RGS6: variants seen among roughly 807,000 people sequenced by gnomAD.
RGS6 encodes the protein regulator of G-protein signaling 6.
A neutral mutation model predicts 78.5 loss-of-function variants in RGS6; 30 were observed. That is an observed-to-expected ratio of 0.38 (90% CI 0.29 to 0.52). The LOEUF is 0.52. RGS6 is among the 20% of genes least tolerant of loss of function. The probability of loss-of-function intolerance (pLI) is 0.85; values close to 1 mark genes in which losing one functional copy is unlikely to be tolerated. For synonymous variants in RGS6, 206 were observed against 206.0 expected, an observed-to-expected ratio of 1.00 and a Z score of 0.00; for missense variants, 495 against 609.7, an observed-to-expected ratio of 0.81 and a Z score of 1.98.
chr14:72,228,437 CAA>C (rs1301890573), intron 2 of RGS6, among the ~76,000 whole-genome samples: 4 of 152,076 alleles, frequency 2.6e-5, no homozygotes, highest in African/African-American at 9.7e-5. Context: ...ACCATGTTAA[CAA>C]ATACGTTCAT....
chr14:72,364,910 TCAC>T (rs1334012837), intron 3 of RGS6, among the ~76,000 whole-genome samples: 3 of 152,198 alleles, frequency 2.0e-5, no homozygotes, highest in Non-Finnish European at 4.4e-5. Flanking sequence ...AAGCTGCTTG[TCAC>T]CACTTTCTCA....
At chr14:71,933,688 C>T (rs1213414386) in intron 1 of RGS6, among the ~76,000 whole-genome samples, 1 of 152,156 alleles carries the variant, frequency 6.6e-6, no homozygotes. Flanking sequence ...GTCATTGAGA[C>T]CAGTAGCATT....
At chr14:72,284,185 G>C (rs2062069075) in intron 2 of RGS6, among the ~76,000 whole-genome samples, 1 of 152,356 alleles carries the variant, frequency 6.6e-6, no homozygotes, top group Admixed American at 6.5e-5. Context: ...TTTGCAGCCT[G>C]ATGACGCAGT....
At chr14:71,950,704 CTTAAA>C (rs2092214778) in intron 1 of RGS6, among the ~76,000 whole-genome samples, 1 of 152,084 alleles carries the variant, frequency 6.6e-6, no homozygotes, top group South Asian at 2.1e-4. Flanking sequence ...CTACAAGGAA[CTTAAA>C]TTTATGAGCA....
intron 3 of RGS6, among the ~76,000 whole-genome samples, chr14:72,425,510 A>G (rs2094397754): frequency 6.6e-6 from 1 of 152,226 alleles, no homozygotes; most frequent in Admixed American, 6.5e-5. Flanking sequence ...AATTCCTGTT[A>G]ATCAGTATAC....
chr14:71,875,998 T>C, the RGS6 span, among the ~76,000 whole-genome samples: 10 of 152,252 alleles, frequency 6.6e-5, no homozygotes, highest in African/African-American at 2.4e-4. Flanking sequence ...GATTGCACTG[T>C]GGTCTGAGAG....
At chr14:72,560,107 A>T (rs1599183587) in intron 17 of RGS6, among the ~76,000 whole-genome samples, 1 of 150,314 alleles carries the variant, frequency 6.7e-6, no homozygotes, top group South Asian at 2.1e-4. Flanking sequence ...AGCTTGAGTG[A>T]TTTTTTTTTT....
chr14:72,415,396 G>A (rs1353526258), intron 3 of RGS6, among the ~76,000 whole-genome samples: 1 of 152,264 alleles, frequency 6.6e-6, no homozygotes, highest in Admixed American at 6.5e-5. Flanking sequence ...GAAAAGGGCA[G>A]TATTAGGGTG....
At chr14:71,907,209 A>C in the RGS6 span, among the ~76,000 whole-genome samples, 1 of 152,232 alleles carries the variant, frequency 6.6e-6, no homozygotes, top group Non-Finnish European at 1.5e-5. Context: ...TCATTAAATA[A>C]ATCTGCAATT....
intron 2 of RGS6, among the ~76,000 whole-genome samples, chr14:72,265,372 C>T (rs1200938470): frequency 6.6e-6 from 1 of 152,176 alleles, no homozygotes; most frequent in Non-Finnish European, 1.5e-5. Flanking sequence ...ATCCTGCCAC[C>T]TGGCTCAGAC....
chr14:72,346,952 T>A (rs570807377), intron 2 of RGS6, among the ~76,000 whole-genome samples: 1 of 152,332 alleles, frequency 6.6e-6, no homozygotes, highest in Non-Finnish European at 1.5e-5. Flanking sequence ...TCCTGCTGTT[T>A]GGAAGAATGT....
intron 3 of RGS6, among the ~76,000 whole-genome samples, chr14:72,388,335 T>G (rs1162314629): frequency 6.6e-6 from 1 of 152,218 alleles, no homozygotes; most frequent in Non-Finnish European, 1.5e-5. Context: ...GACCCAAATA[T>G]GTGCTGATGA....
intron 3 of RGS6, among the ~76,000 whole-genome samples, chr14:72,442,171 G>A (rs1197584645): frequency 6.6e-6 from 1 of 152,100 alleles, no homozygotes; most frequent in Non-Finnish European, 1.5e-5. Flanking sequence ...CTGGCATAGT[G>A]CTTTGTATGT....
At chr14:72,396,725 G>T (rs1473749721) in intron 3 of RGS6, among the ~76,000 whole-genome samples, 1 of 152,042 alleles carries the variant, frequency 6.6e-6, no homozygotes, top group African/African-American at 2.4e-5. Context: ...TTTTGTATAA[G>T]GTGTAAGGAA....
At chr14:72,381,583 A>G (rs2086120541) in intron 3 of RGS6, among the ~76,000 whole-genome samples, 1 of 152,166 alleles carries the variant, frequency 6.6e-6, no homozygotes, top group Non-Finnish European at 1.5e-5. Context: ...AGAATTCTAC[A>G]TGTAATGAAA....
chr14:72,457,031 C>T (rs1325303777), intron 4 of RGS6, among the ~76,000 whole-genome samples: 1 of 144,376 alleles, frequency 6.9e-6, no homozygotes, highest in Admixed American at 7.2e-5. Context: ...CTGCAATGAG[C>T]TGTGATCATG....
intron 2 of RGS6, among the ~76,000 whole-genome samples, chr14:71,971,164 T>G (rs1372682988): frequency 1.3e-5 from 2 of 152,162 alleles, no homozygotes; most frequent in Non-Finnish European, 2.9e-5. Flanking sequence ...TATCTTCCCT[T>G]TGGGCCTCCA....
intron 2 of RGS6, among the ~76,000 whole-genome samples, chr14:71,982,114 C>G (rs980237612): frequency 1.3e-5 from 2 of 148,752 alleles, no homozygotes; most frequent in Non-Finnish European, 3.0e-5. Context: ...TTGCGCTTCC[C>G]GAGTGAGGCA....
intron 2 of RGS6, among the ~76,000 whole-genome samples, chr14:72,183,880 G>A (rs2097205121): frequency 6.6e-6 from 1 of 152,136 alleles, no homozygotes; most frequent in Non-Finnish European, 1.5e-5. Flanking sequence ...TCATCTTGCA[G>A]GATGTAGTTG....
Sources: gnomAD v4.1 joint callset for allele counts (sites outside exome capture counted in the v4.1 genomes callset) on GRCh38, gnomAD v4.1.1 for gene constraint, MANE v1.5 for transcripts, NCBI Gene and HGNC (gene_info 2026-07-23, HGNC 2026-07-21) for gene names.